The following DOCK2 variants were observed in gnomAD, a reference collection of about 807,000 sequenced individuals.
DOCK2 encodes dedicator of cytokinesis protein 2.
DOCK2 carries 87 observed loss-of-function variants against 248.9 expected under a neutral mutation model. That is an observed-to-expected ratio of 0.35 (90% CI 0.29 to 0.42). DOCK2 has a LOEUF of 0.42. Among genes scored for constraint, DOCK2 ranks in the 10% least tolerant of loss-of-function variants. The probability of loss-of-function intolerance (pLI) is 1.00; values close to 1 mark genes in which losing one functional copy is unlikely to be tolerated. For missense variants in DOCK2, 1,747 were observed against 2,300.2 expected, an observed-to-expected ratio of 0.76 and a Z score of 4.92; for synonymous variants, 805 against 821.6, an observed-to-expected ratio of 0.98 and a Z score of 0.35.
intron 26 of DOCK2, among the ~76,000 whole-genome samples, chr5:169,831,853 G>T (rs1769248560): frequency 6.6e-6 from 1 of 152,214 alleles, no homozygotes; most frequent in South Asian, 2.1e-4. Flanking sequence ...AGAGGGGCAA[G>T]ATGTGTCAAG....
At chr5:169,804,485 T>A in intron 26 of DOCK2, among the ~76,000 whole-genome samples, 1 of 68,094 alleles carries the variant, frequency 1.5e-5, no homozygotes, top group Non-Finnish European at 4.1e-5. Context: ...TGTGTGTGTG[T>A]GCGCGCGCGC....
chr5:169,646,012 G>T (rs1031538359), intron 1 of DOCK2, among the ~76,000 whole-genome samples: 5 of 152,154 alleles, frequency 3.3e-5, no homozygotes, highest in African/African-American at 1.2e-4. Flanking sequence ...GCCTCCCAAA[G>T]TGCTGGGATT....
At chr5:169,708,069 C>T (rs558470222) in intron 14 of DOCK2, 100 bp from the exon 15 acceptor site, 290 of 1,249,296 alleles carry the variant, frequency 2.3e-4, no homozygotes, top group Non-Finnish European at 2.3e-4. Flanking sequence ...AGGGTTGGCC[C>T]AGGCCCTAAG....
At chr5:169,825,751 C>T (rs1768805889) in intron 26 of DOCK2, among the ~76,000 whole-genome samples, 1 of 149,918 alleles carries the variant, frequency 6.7e-6, no homozygotes, top group African/African-American at 2.5e-5. Flanking sequence ...CACATGTACC[C>T]TAGAACTTAA....
intron 27 of DOCK2, among the ~76,000 whole-genome samples, chr5:169,925,181 G>C (rs1775368919): frequency 6.6e-6 from 1 of 152,184 alleles, no homozygotes; most frequent in African/African-American, 2.4e-5. Flanking sequence ...GGACTCTGTA[G>C]TAGGGAGCTG....
At chr5:170,033,637 TG>T (rs565772035) in intron 34 of DOCK2, among the ~76,000 whole-genome samples, 138 of 152,218 alleles carry the variant, frequency 9.1e-4, no homozygotes, top group Non-Finnish European at 1.6e-3. Context: ...GACAGCTTAG[TG>T]GACCTCTCCA....
chr5:169,657,823 G>C (rs1198407167), intron 2 of DOCK2, among the ~76,000 whole-genome samples: 1 of 152,158 alleles, frequency 6.6e-6, no homozygotes, highest in African/African-American at 2.4e-5. Flanking sequence ...CCAGTCCACT[G>C]TACAAATAGT....
chr5:169,977,438 TATC>T (rs1443730625), intron 27 of DOCK2, among the ~76,000 whole-genome samples: 1 of 152,234 alleles, frequency 6.6e-6, no homozygotes, highest in Non-Finnish European at 1.5e-5. Flanking sequence ...TAGCTGCTAT[TATC>T]GAGGGCTTTC....
chr5:170,026,743 G>C (rs910625409), intron 33 of DOCK2, among the ~76,000 whole-genome samples: 1 of 152,220 alleles, frequency 6.6e-6, no homozygotes, highest in African/African-American at 2.4e-5. Flanking sequence ...GGAAAGTAGG[G>C]AGACAAAGCA....
intron 25 of DOCK2, among the ~76,000 whole-genome samples, chr5:169,778,603 T>C (rs987776763): frequency 6.6e-6 from 1 of 152,228 alleles, no homozygotes; most frequent in African/African-American, 2.4e-5. Flanking sequence ...AAACAGTTGC[T>C]CTGCCCTACT....
At chr5:170,031,606 T>A (rs1304171790) in intron 34 of DOCK2, among the ~76,000 whole-genome samples, 1 of 152,234 alleles carries the variant, frequency 6.6e-6, no homozygotes, top group African/African-American at 2.4e-5. Context: ...AGTGGTAGTA[T>A]CATTATATAT....
chr5:169,640,991 C>G (rs1757112722), intron 1 of DOCK2, among the ~76,000 whole-genome samples: 1 of 152,184 alleles, frequency 6.6e-6, no homozygotes, highest in African/African-American at 2.4e-5. Context: ...AAATCTGTTC[C>G]AGGTGTCTCC....
intron 46 of DOCK2, among the ~76,000 whole-genome samples, chr5:170,073,946 C>G (rs1230234596): frequency 1.3e-5 from 2 of 152,074 alleles, no homozygotes; most frequent in Non-Finnish European, 2.9e-5. Context: ...TTCGTGTCCA[C>G]TCTCACCTTT....
chr5:169,997,636 G>A (rs1462136451), intron 30 of DOCK2, among the ~76,000 whole-genome samples: 2 of 149,774 alleles, frequency 1.3e-5, no homozygotes, highest in Non-Finnish European at 3.0e-5. Flanking sequence ...GTTTAACAAA[G>A]TACATCTTGC....
intron 6 of DOCK2, 113 bp from the exon 7 acceptor site, chr5:169,681,631 C>A: frequency 1.5e-6 from 2 of 1,308,738 alleles, no homozygotes; most frequent in South Asian, 1.5e-5. Flanking sequence ...TAGAGCTCTT[C>A]TATGTGACTA....
At chr5:169,657,792 T>G (rs1313411865) in intron 2 of DOCK2, among the ~76,000 whole-genome samples, 1 of 152,216 alleles carries the variant, frequency 6.6e-6, no homozygotes, top group East Asian at 1.9e-4. Flanking sequence ...TCTTCTCTAC[T>G]GAAATAAGCC....
At chr5:169,666,968 T>A (rs756256446) in intron 2 of DOCK2, among the ~76,000 whole-genome samples, 4 of 152,204 alleles carry the variant, frequency 2.6e-5, no homozygotes, top group African/African-American at 4.8e-5. Flanking sequence ...GTCAGCAGAA[T>A]CCTGTCGTCA....
intron 6 of DOCK2, among the ~76,000 whole-genome samples, chr5:169,675,989 C>T (rs1242083933): frequency 6.6e-6 from 1 of 150,700 alleles, no homozygotes; most frequent in Admixed American, 6.6e-5. Flanking sequence ...CTGCTACTGC[C>T]GTTGGTTCCA....
At chr5:169,713,043 A>G (rs1420850693) in intron 17 of DOCK2, among the ~76,000 whole-genome samples, 1 of 152,240 alleles carries the variant, frequency 6.6e-6, no homozygotes, top group African/African-American at 2.4e-5. Context: ...TGTGGGATGC[A>G]TGGCAAACAC....
Sources: allele counts gnomAD v4.1 joint callset (sites outside exome capture counted in the v4.1 genomes callset), GRCh38; gene constraint gnomAD v4.1.1; transcripts MANE v1.5; gene names NCBI Gene and HGNC (gene_info 2026-07-23, HGNC 2026-07-21).